SYT1: variants seen among roughly 807,000 people sequenced by gnomAD.
SYT1 encodes the protein synaptotagmin-1.
Under a neutral mutation model 44.8 loss-of-function variants are expected in SYT1, and 8 were observed. The observed-to-expected ratio is 0.18, with a 90% CI of 0.10 to 0.32. SYT1 has a LOEUF of 0.32. Ranked by LOEUF, SYT1 falls within the 10% of genes least tolerant of loss-of-function variation. SYT1 has a pLI of 1.00. For synonymous variants in SYT1, 154 were observed against 188.8 expected, an observed-to-expected ratio of 0.82 and a Z score of 1.51; for missense variants, 286 against 509.3, an observed-to-expected ratio of 0.56 and a Z score of 4.22.
At position 78,896,154 on chromosome 12, in the gene SYT1, C is replaced by A. The variant is rs181960118; in HGVS notation, c.-217+31045C>A. On this transcript the variant is annotated intron_variant, in intron 1 of 10. Transcript: ENST00000261205. ...CCAAATCCCTTTATTATTTTCTTTT[C>A]TCTAAGCATTTAATGTAAAGTTTGA... Among the ~76,000 whole-genome samples the A allele has an allele frequency of 2.9e-3, 441 of 151,810 alleles. 1 individual carries two copies. The highest frequency in any genetic ancestry group is 4.3e-3 in the Admixed American group (66 of 15,178).
At chr12:78,995,125 G>C (rs1226348508) in intron 2 of SYT1, among the ~76,000 whole-genome samples, 2 of 152,076 alleles carry the variant, frequency 1.3e-5, no homozygotes, top group Non-Finnish European at 2.9e-5. Context: ...CCAAAGGCTG[G>C]GCATTAGGAT....
Position 79,398,556 on chromosome 12 carries a change from A to G in SYT1, c.928+44937A>G, listed in dbSNP as rs188321333. Among the ~76,000 whole-genome samples, 6 of 152,302 alleles carry G rather than the reference A, an allele frequency of 3.9e-5. No individual in the cohort carries two copies. The East Asian group carries it at 1.2e-3, about 29-fold the overall frequency. On this transcript the variant is annotated intron_variant, in intron 9 of 10. Coordinates refer to ENST00000261205, the MANE Select transcript of SYT1 (RefSeq NM_005639.3). ...ACGTTTAACAGAATATGGTCCTTAT[A>G]TGGTCCTTATTATGGTCCTTGACTC... is the stretch of plus-strand genomic sequence containing the variant.
chr12:79,327,058 G>A (rs758067375), intron 8 of SYT1, among the ~76,000 whole-genome samples: 2 of 152,002 alleles, frequency 1.3e-5, no homozygotes, highest in South Asian at 2.1e-4. Flanking sequence ...GGCAGTCACC[G>A]TAAACAAGAA....
intron 1 of SYT1, among the ~76,000 whole-genome samples, chr12:78,892,232 G>T: frequency 6.6e-6 from 1 of 151,572 alleles, no homozygotes; most frequent in Non-Finnish European, 1.5e-5. Context: ...CACTAATATG[G>T]AAAACATCAT....
At chr12:79,432,444 A>G (rs887083881) in intron 9 of SYT1, among the ~76,000 whole-genome samples, 6 of 149,906 alleles carry the variant, frequency 4.0e-5, no homozygotes, top group African/African-American at 1.5e-4. Context: ...ATTCCCACCT[A>G]TGAGTGAGAA....
intron 1 of SYT1, among the ~76,000 whole-genome samples, chr12:78,920,400 A>G (rs934461912): frequency 6.6e-6 from 1 of 152,052 alleles, no homozygotes; most frequent in African/African-American, 2.4e-5. Context: ...TGCATCATAG[A>G]CAAACAGATG....
At chr12:79,400,785 G>C (rs1303636790) in intron 9 of SYT1, among the ~76,000 whole-genome samples, 1 of 152,168 alleles carries the variant, frequency 6.6e-6, no homozygotes, top group Non-Finnish European at 1.5e-5. Flanking sequence ...CTGGGCTATT[G>C]CCATGTTTTC....
chr12:79,285,427 C>T (rs192863827), intron 4 of SYT1, among the ~76,000 whole-genome samples: 25 of 152,180 alleles, frequency 1.6e-4, no homozygotes, highest in African/African-American at 5.5e-4. Flanking sequence ...GATGACTTGC[C>T]CAAGATCACA....
intron 3 of SYT1, among the ~76,000 whole-genome samples, chr12:79,194,488 T>C (rs1416043381): frequency 1.3e-5 from 2 of 151,364 alleles, no homozygotes; most frequent in Non-Finnish European, 2.9e-5. Context: ...TAGAGACGGG[T>C]CTCACTATGT....
At chr12:79,448,337 C>G (rs545610896) in intron 10 of SYT1, among the ~76,000 whole-genome samples, 2 of 152,268 alleles carry the variant, frequency 1.3e-5, no homozygotes, top group South Asian at 4.2e-4. Context: ...TTTCACTATA[C>G]TATCATGTTT....
At chr12:79,179,149 T>TATATAGATATAG (rs1872182050) in intron 3 of SYT1, among the ~76,000 whole-genome samples, 7 of 98,210 alleles carry the variant, frequency 7.1e-5, no homozygotes, top group African/African-American at 1.3e-4. Context: ...TAGATATAGA[T>TATATAGATATAG]ATATAGATAT....
intron 3 of SYT1, among the ~76,000 whole-genome samples, chr12:79,116,747 T>C (rs1592762183): frequency 6.6e-6 from 1 of 152,342 alleles, no homozygotes; most frequent in East Asian, 1.9e-4. Context: ...GGATAACTAT[T>C]TGCTGTATTC....
intron 4 of SYT1, among the ~76,000 whole-genome samples, chr12:79,243,318 C>T (rs1876625866): frequency 6.6e-6 from 1 of 152,094 alleles, no homozygotes; most frequent in Non-Finnish European, 1.5e-5. Context: ...TCTTAAATTG[C>T]CCTAGCACAG....
chr12:79,227,874 T>A (rs1190033062), intron 4 of SYT1, among the ~76,000 whole-genome samples: 1 of 152,140 alleles, frequency 6.6e-6, no homozygotes, highest in African/African-American at 2.4e-5. Context: ...TATTTCTATT[T>A]TAGAAAAACC....
At chr12:79,331,837 TAA>T (rs556497562) in intron 8 of SYT1, among the ~76,000 whole-genome samples, 3 of 151,220 alleles carry the variant, frequency 2.0e-5, no homozygotes, top group African/African-American at 7.3e-5. Flanking sequence ...CAAAAAAAAA[TAA>T]AGTCATAAAA....
At chr12:79,236,201 G>A (rs1448765582) in intron 4 of SYT1, among the ~76,000 whole-genome samples, 3 of 152,142 alleles carry the variant, frequency 2.0e-5, no homozygotes, top group East Asian at 1.9e-4. Flanking sequence ...ATTTTTCTTA[G>A]ATCTGAGCTC....
intron 2 of SYT1, chr12:79,045,618 T>A (rs1873986639): frequency 6.5e-6 from 1 of 152,924 alleles, no homozygotes; most frequent in Non-Finnish European, 1.5e-5. Flanking sequence ...GACAGCACTG[T>A]TCCTATTCGG....
chr12:79,368,498 G>A (rs1283209273), intron 9 of SYT1, among the ~76,000 whole-genome samples: 5 of 150,242 alleles, frequency 3.3e-5, no homozygotes, highest in African/African-American at 1.2e-4. Flanking sequence ...GGTTGAACTA[G>A]TTTACAGTCC....
At chr12:78,937,736 C>CA (rs1878140193) in intron 1 of SYT1, among the ~76,000 whole-genome samples, 1 of 152,038 alleles carries the variant, frequency 6.6e-6, no homozygotes, top group Non-Finnish European at 1.5e-5. Context: ...ATCTTCTCAA[C>CA]AAAAAGCCAC....
Sources: gnomAD v4.1 joint callset for allele counts (sites outside exome capture counted in the v4.1 genomes callset) on GRCh38, gnomAD v4.1.1 for gene constraint, MANE v1.5 for transcripts, NCBI Gene and HGNC (gene_info 2026-07-23, HGNC 2026-07-21) for gene names.